The following LIN28B variants were observed in gnomAD, a reference collection of about 807,000 sequenced individuals.
The protein encoded by LIN28B is lin-28 RNA binding posttranscriptional regulator B.
Under a neutral mutation model 21.9 loss-of-function variants are expected in LIN28B, and 5 were observed. That is an observed-to-expected ratio of 0.23 (90% confidence interval 0.12 to 0.48). The LOEUF (loss-of-function observed/expected upper bound fraction) is 0.48. Among genes scored for constraint, LIN28B ranks in the 20% least tolerant of loss-of-function variants. The pLI is 0.98. For synonymous variants in LIN28B, 109 were observed against 111.3 expected, an observed-to-expected ratio of 0.98 and a Z score of 0.13; for missense variants, 245 against 310.5, an observed-to-expected ratio of 0.79 and a Z score of 1.58.
At chr6:105,028,065 T>A (rs1201735577) in intron 3 of LIN28B, among the ~76,000 whole-genome samples, 1 of 152,216 alleles carries the variant, frequency 6.6e-6, no homozygotes, top group African/African-American at 2.4e-5. Context: ...CATACATACT[T>A]AAATACGTAC....
At chr6:105,072,088 C>CTGTGTGTGTGTG (rs3035164) in intron 3 of LIN28B, among the ~76,000 whole-genome samples, 3 of 148,848 alleles carry the variant, frequency 2.0e-5, no homozygotes, top group African/African-American at 7.4e-5. Flanking sequence ...TCTTTTGTGT[C>CTGTGTGTGTGTG]TGTGTGTGTG....
chr6:105,070,746 C>G (rs117965527), intron 3 of LIN28B, among the ~76,000 whole-genome samples: 252 of 152,168 alleles, frequency 1.7e-3, no homozygotes, highest in Non-Finnish European at 2.8e-3. Flanking sequence ...CCACTGCACT[C>G]CAGCCTGGGC....
chr6:104,948,745 T>G (rs1778186659), intron 2 of LIN28B, among the ~76,000 whole-genome samples: 1 of 152,210 alleles, frequency 6.6e-6, no homozygotes. Flanking sequence ...TTTGAACAAT[T>G]TTAAACCATT....
rs1771579647 is a variant in LIN28B at position 105,039,040 on chromosome 6, G to T, written c.383+12558G>T. 3.3e-5 allele frequency among the ~76,000 whole-genome samples: 5 copies of T among 152,270 alleles called. No homozygotes were observed. The South Asian group carries it at 1.0e-3, about 32-fold the overall frequency. ...TCCACTTCTGGGTAGATTTTTCATG[G>T]CAGTGTTTTTCAAACTGTGGGTTGG... On this transcript the variant is annotated intron_variant, in intron 3 of 3. Transcript: ENST00000345080.
chr6:104,957,797 C>A (rs1201512550), intron 1 of LIN28B, among the ~76,000 whole-genome samples: 4 of 151,914 alleles, frequency 2.6e-5, no homozygotes, highest in Non-Finnish European at 2.9e-5. Context: ...AGTAAAGTAT[C>A]GCATGCTGTA....
At chr6:104,973,991 A>C (rs571202399) in intron 2 of LIN28B, among the ~76,000 whole-genome samples, 1 of 152,354 alleles carries the variant, frequency 6.6e-6, no homozygotes, top group African/African-American at 2.4e-5. Flanking sequence ...GAAATGTTTT[A>C]CTGTACATCA....
Position 105,057,064 on chromosome 6 carries a change from T to C in LIN28B, c.384-21350T>C, listed in dbSNP as rs143512945. 8.5e-4 allele frequency among the ~76,000 whole-genome samples: 130 copies of C among 152,352 alleles called. 3 individuals are homozygous for C. The East Asian group carries it at 0.022, about 26-fold the overall frequency. ...CATATTCAGAAGCCCACTGAACCTA[T>C]ATACAGTATTCATAACTTTTTTTGT... On this transcript the variant is annotated intron_variant, in intron 3 of 3. Coordinates refer to ENST00000345080, the MANE Select transcript of LIN28B (RefSeq NM_001004317.4).
At chr6:105,046,832 T>C (rs1218154476) in intron 3 of LIN28B, among the ~76,000 whole-genome samples, 3 of 152,268 alleles carry the variant, frequency 2.0e-5, no homozygotes, top group South Asian at 2.1e-4. Context: ...GAAGTGTCTG[T>C]TGATCTCCTT....
chr6:105,004,178 A>G (rs1770772075), intron 2 of LIN28B, among the ~76,000 whole-genome samples: 1 of 152,154 alleles, frequency 6.6e-6, no homozygotes, highest in African/African-American at 2.4e-5. Context: ...CTGGCAGCTG[A>G]TGAGATGGTG....
At chr6:105,021,624 G>A (rs1188578523) in intron 2 of LIN28B, among the ~76,000 whole-genome samples, 4 of 152,110 alleles carry the variant, frequency 2.6e-5, no homozygotes, top group African/African-American at 9.7e-5. Context: ...TCATACACCT[G>A]TTGGCCATTT....
intron 2 of LIN28B, among the ~76,000 whole-genome samples, chr6:105,016,016 A>G (rs535241895): frequency 6.6e-6 from 1 of 152,304 alleles, no homozygotes; most frequent in South Asian, 2.1e-4. Flanking sequence ...TATAAGTAAG[A>G]TCTACTTGAA....
intron 3 of LIN28B, among the ~76,000 whole-genome samples, chr6:105,044,280 T>C (rs1290498807): frequency 2.6e-5 from 4 of 152,220 alleles, no homozygotes; most frequent in African/African-American, 7.2e-5. Flanking sequence ...CAGGGCTCTA[T>C]GCTTTTACAG....
chr6:104,966,314 A>G lies in LIN28B; in HGVS notation c.198+8028A>G, dbSNP rs367895736. 1.1e-4 allele frequency among the ~76,000 whole-genome samples: 17 copies of G among 152,270 alleles called. No homozygotes were observed. The East Asian group carries it at 1.9e-3, about 17-fold the overall frequency. On this transcript the variant is annotated intron_variant, in intron 2 of 3. Transcript: ENST00000345080. ...TAAAATGTGATAAATAATATTTTTC[A>G]TCTTTATTTTAGAGGGTTATGGTAA...
chr6:104,999,327 T>A (rs1770674154), intron 2 of LIN28B, among the ~76,000 whole-genome samples: 2 of 152,020 alleles, frequency 1.3e-5, no homozygotes, highest in Admixed American at 6.6e-5. Flanking sequence ...TTTGTAGAGA[T>A]GGGATCTTGC....
chr6:105,050,302 T>G (rs1451555521), intron 3 of LIN28B, among the ~76,000 whole-genome samples: 1 of 152,204 alleles, frequency 6.6e-6, no homozygotes, highest in Non-Finnish European at 1.5e-5. Context: ...TTGAAAATTC[T>G]TTTCTTTAAG....
intron 3 of LIN28B, among the ~76,000 whole-genome samples, chr6:105,032,317 T>TA (rs1235794756): frequency 1.3e-5 from 2 of 152,200 alleles, no homozygotes; most frequent in Non-Finnish European, 2.9e-5. Flanking sequence ...TTTAACTTTA[T>TA]AAAAAACTGC....
chr6:105,008,974 C>T (rs982112100), intron 2 of LIN28B, among the ~76,000 whole-genome samples: 1 of 152,164 alleles, frequency 6.6e-6, no homozygotes, highest in Non-Finnish European at 1.5e-5. Flanking sequence ...ATTTGTTTAT[C>T]AATAACTGAG....
intron 2 of LIN28B, among the ~76,000 whole-genome samples, chr6:105,000,121 G>A (rs993760470): frequency 1.3e-5 from 2 of 151,144 alleles, no homozygotes; most frequent in Non-Finnish European, 2.9e-5. Context: ...TGCAAAAATG[G>A]TGGGGGAGGG....
At chr6:104,994,304 G>T (rs900704177) in intron 2 of LIN28B, among the ~76,000 whole-genome samples, 1 of 152,164 alleles carries the variant, frequency 6.6e-6, no homozygotes, top group East Asian at 1.9e-4. Flanking sequence ...GCGCCTGACC[G>T]ATAAAAACAT....
Sources: gnomAD v4.1 joint callset for allele counts (sites outside exome capture counted in the v4.1 genomes callset) on GRCh38, gnomAD v4.1.1 for gene constraint, MANE v1.5 for transcripts, NCBI Gene and HGNC (gene_info 2026-07-23, HGNC 2026-07-21) for gene names.